LANCL2: variants seen among roughly 807,000 people sequenced by gnomAD.
LANCL2 encodes lanC-like protein 2.
In LANCL2, 33 loss-of-function variants were observed where a neutral mutation model predicts 56.9. That is an observed-to-expected ratio of 0.58 (90% CI 0.44 to 0.78). The LOEUF (loss-of-function observed/expected upper bound fraction) is 0.78, where lower values mean the gene tolerates loss of function less well. LANCL2 is among the 30% of genes least tolerant of loss of function. The probability of loss-of-function intolerance (pLI) is 0.00; values close to 1 mark genes in which losing one functional copy is unlikely to be tolerated. For missense variants in LANCL2, 562 were observed against 580.2 expected (o/e 0.97, Z 0.32); for synonymous variants, 233 against 228.2 (o/e 1.02, Z -0.19).
intron 5 of LANCL2, among the ~76,000 whole-genome samples, chr7:55,408,763 A>G (rs981061397): frequency 3.3e-5 from 5 of 152,128 alleles, no homozygotes; most frequent in Admixed American, 3.3e-4. Flanking sequence ...ACAAATCCAC[A>G]TCATGCCCGT....
intron 6 of LANCL2, among the ~76,000 whole-genome samples, chr7:55,413,810 A>G (rs879644964): frequency 2.0e-5 from 3 of 152,258 alleles, no homozygotes; most frequent in Non-Finnish European, 4.4e-5. Flanking sequence ...TTAAAACTTA[A>G]TTCTGTCCTC....
intron 6 of LANCL2, among the ~76,000 whole-genome samples, chr7:55,422,454 T>G (rs551539662): frequency 2.3e-3 from 346 of 152,326 alleles, no homozygotes; most frequent in Non-Finnish European, 4.0e-3. Flanking sequence ...ATTTTGGGTT[T>G]TCAATAGTTT....
intron 1 of LANCL2, among the ~76,000 whole-genome samples, chr7:55,375,434 C>T (rs1166209192): frequency 5.3e-5 from 8 of 152,132 alleles, no homozygotes; most frequent in African/African-American, 1.9e-4. Flanking sequence ...CACAGAATGC[C>T]CCCCTGCTTT....
intron 1 of LANCL2, among the ~76,000 whole-genome samples, chr7:55,378,947 A>C (rs1022362762): frequency 6.6e-6 from 1 of 152,198 alleles, no homozygotes; most frequent in Non-Finnish European, 1.5e-5. Flanking sequence ...CCTGGCTAAC[A>C]CGGTGAAACC....
In LANCL2 at chr7:55,399,940, T is replaced by C. The variant is rs1790301299; in HGVS notation, c.531-17T>C. 1 of 1,598,666 alleles carries C rather than the reference T, an allele frequency of 6.3e-7. No individual in the cohort carries two copies. Among genetic ancestry groups the C allele is most frequent in the African/African-American group, 1.3e-5 (1 of 74,630 alleles). ...TAGACTTCCACTGGGAAAAAATTAA[T>C]TTTTCTTATTGGTTAGACTTTTGCA... On this transcript the variant is annotated splice_polypyrimidine_tract_variant and intron_variant, in intron 3 of 8. Transcript: ENST00000254770.
At chr7:55,373,143 A>G (rs888307644) in intron 1 of LANCL2, among the ~76,000 whole-genome samples, 3 of 152,204 alleles carry the variant, frequency 2.0e-5, no homozygotes, top group Admixed American at 2.0e-4. Context: ...GGAGCTCTGA[A>G]CACTTAATTC....
chr7:55,395,889 T>C (rs1365029343), intron 2 of LANCL2, among the ~76,000 whole-genome samples: 2 of 152,178 alleles, frequency 1.3e-5, no homozygotes, highest in African/African-American at 4.8e-5. Flanking sequence ...ATTGTGCAGA[T>C]ATAGAGGTGC....
chr7:55,366,854 G>A (rs35936771), intron 1 of LANCL2, among the ~76,000 whole-genome samples: 53,476 of 152,058 alleles, frequency 0.35, 9,871 homozygotes, highest in African/African-American at 0.42. Context: ...AAATACTTTT[G>A]TGCTAGGCAG....
In LANCL2 at chr7:55,432,037, C is replaced by T. The variant is rs1431039072; in HGVS notation, c.*717C>T. ...AGCTGGAGCTTTGTTGGGGAGACTTCTGGACCCAAAGGGAGCTTTCCCAAG... is the reference window on the plus strand; with the variant it reads ...AGCTGGAGCTTTGTTGGGGAGACTTTTGGACCCAAAGGGAGCTTTCCCAAG... On this transcript the variant is annotated 3_prime_UTR_variant, in exon 9 of 9. Transcript: ENST00000254770. 1 of 152,244 alleles carries T rather than the reference C, an allele frequency of 6.6e-6. No individual in the cohort carries two copies. Among genetic ancestry groups the T allele is most frequent in the Non-Finnish European group, 1.5e-5 (1 of 68,058 alleles). 9.4% of individuals were successfully genotyped at this position (152,244 alleles called of 1,614,324 possible).
At chr7:55,425,866 G>A (rs1790658791) in intron 7 of LANCL2, among the ~76,000 whole-genome samples, 1 of 152,204 alleles carries the variant, frequency 6.6e-6, no homozygotes, top group Non-Finnish European at 1.5e-5. Context: ...CCCATTGACT[G>A]CAGATGGAGC....
At chr7:55,428,699 G>C (rs1790695334) in intron 8 of LANCL2, among the ~76,000 whole-genome samples, 2 of 152,136 alleles carry the variant, frequency 1.3e-5, no homozygotes, top group South Asian at 2.1e-4. Context: ...AACGTAGAAG[G>C]CTTGCTGTTA....
At chr7:55,420,685 C>T (rs1474442705) in intron 6 of LANCL2, among the ~76,000 whole-genome samples, 1 of 152,232 alleles carries the variant, frequency 6.6e-6, no homozygotes, top group African/African-American at 2.4e-5. Context: ...ATCATTGTAG[C>T]ACAAAAGCAG....
intron 1 of LANCL2, among the ~76,000 whole-genome samples, chr7:55,381,879 A>C (rs1031056383): frequency 6.6e-6 from 1 of 152,226 alleles, no homozygotes. Flanking sequence ...TCTGGGATGC[A>C]AATCATAGAA....
intron 5 of LANCL2, among the ~76,000 whole-genome samples, chr7:55,402,501 C>T (rs1228564455): frequency 9.9e-5 from 14 of 141,244 alleles, no homozygotes; most frequent in East Asian, 6.5e-4. Flanking sequence ...TAGGGGCGGC[C>T]GGGCAGAGGC....
chr7:55,385,352 G>A (rs911146168), intron 1 of LANCL2, among the ~76,000 whole-genome samples: 2 of 152,174 alleles, frequency 1.3e-5, no homozygotes, highest in Non-Finnish European at 2.9e-5. Flanking sequence ...GGAGGTGACA[G>A]GCCAGTGGAA....
chr7:55,378,745 C>T (rs531320115), intron 1 of LANCL2, among the ~76,000 whole-genome samples: 1 of 152,228 alleles, frequency 6.6e-6, no homozygotes, highest in East Asian at 1.9e-4. Context: ...TAAAAAGTAC[C>T]TTATGGCAAA....
At position 55,411,958 on chromosome 7, in the gene LANCL2, A is replaced by T; in HGVS notation, c.877A>T (p.Ile293Phe). Residue 293 changes from isoleucine to phenylalanine, a missense_variant, in exon 6 of 9, where the codon ATT (isoleucine) becomes TTT (phenylalanine). Ile to Phe is a conservative substitution (Grantham distance 21). This residue lies in a region of LANCL2 where 378 missense variants were observed against 468.4 expected (regional missense o/e 0.81). Transcript: ENST00000254770. ...CTTGACAGAAATGGTGAAACCCAGT[A>T]TTGATTATGTGCGCCACAAAAAATT... ...ETLTEMVKPS[I>F]DYVRHKKFRS... The T allele has an allele frequency of 6.2e-7, 1 of 1,614,242 alleles. No individual in the cohort carries two copies. Among genetic ancestry groups the T allele is most frequent in the Non-Finnish European group, 8.5e-7 (1 of 1,180,040 alleles).
At chr7:55,395,569 G>A (rs929036118) in intron 2 of LANCL2, among the ~76,000 whole-genome samples, 1 of 152,014 alleles carries the variant, frequency 6.6e-6, no homozygotes, top group African/African-American at 2.4e-5. Flanking sequence ...TGTCATAAAT[G>A]TTTGCTTAAT....
chr7:55,426,031 G>A (rs1357722080), intron 7 of LANCL2, among the ~76,000 whole-genome samples: 2 of 152,150 alleles, frequency 1.3e-5, no homozygotes, highest in Non-Finnish European at 2.9e-5. Flanking sequence ...GTTTCCGCTG[G>A]ACCTGTCGTT....
Sources: gnomAD v4.1 joint callset for allele counts (sites outside exome capture counted in the v4.1 genomes callset) on GRCh38, gnomAD v4.1.1 for gene constraint, gnomAD v4.1.1 regional missense constraint, MANE v1.5 for transcripts, NCBI Gene and HGNC (gene_info 2026-07-23, HGNC 2026-07-21) for gene names.